The following DSC3 variants were observed in gnomAD, a reference collection of about 807,000 sequenced individuals.
DSC3 encodes the protein desmocollin 3.
DSC3 carries 97 observed loss-of-function variants against 89.5 expected under a neutral mutation model. The observed-to-expected ratio is 1.08, with a 90% CI of 0.92 to 1.28. DSC3 has a LOEUF of 1.28. Ranked by LOEUF, DSC3 falls within the 50% of genes most tolerant of loss-of-function variation. The pLI, the probability that DSC3 is intolerant of heterozygous loss-of-function variation, is 0.00. For synonymous variants in DSC3, 436 were observed against 384.1 expected (o/e 1.14, Z -1.58); for missense variants, 1,199 against 1,085.3 (o/e 1.10, Z -1.47).
chr18:31,035,288 C>G (rs1985934343), intron 1 of DSC3, among the ~76,000 whole-genome samples: 1 of 151,978 alleles, frequency 6.6e-6, no homozygotes, highest in Non-Finnish European at 1.5e-5. Context: ...CTTACCCTCA[C>G]TTAAATTAGT....
At chr18:31,008,714 A>T (rs16961061) in intron 9 of DSC3, among the ~76,000 whole-genome samples, 189 bp from the exon 10 acceptor site, 1,874 of 152,312 alleles carry the variant, frequency 0.012, 41 homozygotes, top group African/African-American at 0.042. Context: ...GAATGGTCCA[A>T]CAACTTCTGC....
Position 31,035,732 on chromosome 18 carries a change from G to T in DSC3, c.70-3456C>A, listed in dbSNP as rs115426334. 8.7e-3 allele frequency among the ~76,000 whole-genome samples: 1,327 copies of T among 152,066 alleles called. 25 individuals carry two copies. The highest frequency in any genetic ancestry group is 0.03 in the African/African-American group (1,244 of 41,506). The stretch of plus-strand genomic sequence containing the variant: ...GATCTTTAAAAAAAATGAACATTTT[G>T]CAATTTTTGTTCTATTTTTTAATTA... On this transcript the variant is annotated intron_variant, in intron 1 of 15. Transcript: ENST00000360428.
At chr18:31,031,433 A>C (rs1431272210) in intron 2 of DSC3, among the ~76,000 whole-genome samples, 2 of 150,264 alleles carry the variant, frequency 1.3e-5, no homozygotes, top group African/African-American at 4.8e-5. Flanking sequence ...GACTTATGAA[A>C]ATGACCTTCC....
intron 14 of DSC3, 75 bp from the exon 15 acceptor site, chr18:30,997,123 A>G: frequency 1.3e-6 from 2 of 1,550,432 alleles, no homozygotes; most frequent in Non-Finnish European, 1.8e-6. Flanking sequence ...CAAAGGAGAG[A>G]GAATATTTGT....
At chr18:31,027,699 C>T (rs1363876817) in intron 4 of DSC3, among the ~76,000 whole-genome samples, 1 of 152,096 alleles carries the variant, frequency 6.6e-6, no homozygotes, top group East Asian at 1.9e-4. Context: ...ATAATGTCTT[C>T]TCTATTATGG....
intron 14 of DSC3, 122 bp from the exon 15 acceptor site, chr18:30,997,170 C>G (rs368620066): frequency 4.8e-6 from 6 of 1,237,998 alleles, no homozygotes; most frequent in Non-Finnish European, 6.9e-6. Flanking sequence ...ATTCATTCAA[C>G]AGACATTTAT....
chr18:31,024,618 A>C, intron 5 of DSC3, 125 bp from the exon 6 acceptor site: 1 of 1,052,322 alleles, frequency 9.5e-7, no homozygotes. Flanking sequence ...TTTTTTATCC[A>C]CTGTGTTTTT....
At chr18:31,005,857 A>T (rs1369587742) in intron 12 of DSC3, among the ~76,000 whole-genome samples, 4 of 152,174 alleles carry the variant, frequency 2.6e-5, no homozygotes, top group Non-Finnish European at 5.9e-5. Flanking sequence ...GAGGTGGAGC[A>T]TCTCAGCTGG....
At chr18:30,997,317 G>T (rs1984511704) in intron 14 of DSC3, among the ~76,000 whole-genome samples, 1 of 152,112 alleles carries the variant, frequency 6.6e-6, no homozygotes, top group African/African-American at 2.4e-5. Flanking sequence ...CAAGATCAAG[G>T]AGTTCACATT....
chr18:31,007,901 T>C, intron 11 of DSC3, 115 bp downstream of exon 11: 1 of 973,844 alleles, frequency 1.0e-6, no homozygotes, highest in Non-Finnish European at 1.5e-6. Flanking sequence ...AAAGAGTCTT[T>C]AAAGTAATTT....
At chr18:31,022,568 T>C in intron 6 of DSC3, 66 bp from the exon 7 acceptor site, 4 of 1,553,448 alleles carry the variant, frequency 2.6e-6, no homozygotes, top group Middle Eastern at 1.7e-4. Context: ...CAAAAGTATC[T>C]ACAATCTTAA....
At chr18:31,006,329 C>A (rs1227771318) in intron 12 of DSC3, among the ~76,000 whole-genome samples, 1 of 132,388 alleles carries the variant, frequency 7.6e-6, no homozygotes, top group Non-Finnish European at 1.6e-5. Context: ...GACGGAGTCT[C>A]CCTCTGTCCC....
At chr18:31,015,821 C>G (rs1323306573) in intron 9 of DSC3, among the ~76,000 whole-genome samples, 1 of 152,034 alleles carries the variant, frequency 6.6e-6, no homozygotes, top group African/African-American at 2.4e-5. Flanking sequence ...CAGGAGAAAC[C>G]AAGGCTTGGT....
In DSC3 at chr18:31,031,118, T is replaced by C; in HGVS notation, c.209A>G (p.Asp70Gly). The change falls in exon 3 of 16, where the codon GAT (aspartate) becomes GGT (glycine). Residue 70 changes from aspartate (D) to glycine (G), a missense_variant. By Grantham distance (94) the Asp-to-Gly change is moderately conservative. Transcript: ENST00000360428. ...TGACCCATCATTTAGAACTCTGAAA[T>C]CAGGATCACTTGACCGGATGAGGTC... ...SADLIRSSDP[D>G]FRVLNDGSVY... The C allele has an allele frequency of 6.2e-7, 1 of 1,613,622 alleles. No homozygotes were observed. The highest frequency in any genetic ancestry group is 8.5e-7 in the Non-Finnish European group (1 of 1,179,882).
In DSC3 at chr18:31,008,073, C is replaced by G; in HGVS notation, c.1606G>C (p.Glu536Gln). 1 of 1,613,194 alleles carries G rather than the reference C, an allele frequency of 6.2e-7. No homozygotes were observed. The highest frequency in any genetic ancestry group is 8.5e-7 in the Non-Finnish European group (1 of 1,179,644). ...SIITSKILDREVETPKNELYN... is the reference protein window; with the variant it reads ...SIITSKILDRQVETPKNELYN... The stretch of plus-strand genomic sequence containing the variant: ...AACTCATTTTTGGGAGTTTCAACCT[C>G]CCTATCCAGGATTTTGGAAGTTATG... Residue 536 changes from glutamate (E) to glutamine (Q), a missense_variant, in exon 11 of 16, where the codon GAG becomes CAG. Glu to Gln is a conservative substitution (Grantham distance 29, BLOSUM62 2). Coordinates refer to ENST00000360428, the MANE Select transcript of DSC3 (RefSeq NM_001941.5).
At chr18:31,025,179 A>G (rs1985555711) in intron 5 of DSC3, among the ~76,000 whole-genome samples, 1 of 152,156 alleles carries the variant, frequency 6.6e-6, no homozygotes, top group Non-Finnish European at 1.5e-5. Context: ...CATGGGAATG[A>G]CACATGACCT....
intron 13 of DSC3, among the ~76,000 whole-genome samples, chr18:31,002,871 A>G (rs1984713203): frequency 6.6e-6 from 1 of 152,202 alleles, no homozygotes; most frequent in Non-Finnish European, 1.5e-5. Context: ...TGGAAAACAC[A>G]TGGCCTGCAA....
At chr18:31,002,199 T>C (rs1984686409) in intron 13 of DSC3, among the ~76,000 whole-genome samples, 1 of 152,236 alleles carries the variant, frequency 6.6e-6, no homozygotes, top group Admixed American at 6.5e-5. Context: ...CTATTAAGAA[T>C]TCTTATTCTA....
chr18:31,018,675 T>C lies in DSC3; in HGVS notation c.1068A>G (p.Arg356=). Residue 356 remains arginine, a synonymous_variant, in exon 8 of 16, where the codon AGA becomes AGG. Transcript: ENST00000360428. ...TDSNDNAPTF[R]QNAYEAFVEE... Reference sequence around the variant, plus strand: ...GATATTATATACTTACAGCATTTTGTCTGAAAGTGGGTGCATTATCATTTG... The same window carrying C: ...GATATTATATACTTACAGCATTTTGCCTGAAAGTGGGTGCATTATCATTTG... The C allele has an allele frequency of 6.2e-7, 1 of 1,613,078 alleles. No homozygotes were observed. The highest frequency in any genetic ancestry group is 8.5e-7 in the Non-Finnish European group (1 of 1,179,826).
Sources: gnomAD v4.1 joint callset for allele counts (sites outside exome capture counted in the v4.1 genomes callset) on GRCh38, gnomAD v4.1.1 for gene constraint, MANE v1.5 for transcripts, NCBI Gene and HGNC (gene_info 2026-07-23, HGNC 2026-07-21) for gene names.